Variants in RBFOX1 observed in about 807,000 individuals in gnomAD.
RBFOX1 encodes the protein RNA binding fox-1 homolog 1, also known as RNA binding protein fox-1 homolog 1.
Under a neutral mutation model 57.7 loss-of-function variants are expected in RBFOX1, and 8 were observed. The ratio of observed to expected loss-of-function variants is 0.14; its 90% CI spans 0.08 to 0.25. The LOEUF (loss-of-function observed/expected upper bound fraction) is 0.25. Ranked by LOEUF, RBFOX1 falls within the 10% of genes least tolerant of loss-of-function variation. RBFOX1 has a pLI of 1.00. For synonymous variants in RBFOX1, 326 were observed against 222.4 expected (o/e 1.47, Z -4.15); for missense variants, 611 against 548.5 (o/e 1.11, Z -1.14).
At chr16:5,270,641 C>A in intron 1 of RBFOX1, 1 of 556,386 alleles carries the variant, frequency 1.8e-6, no homozygotes, top group South Asian at 1.6e-5. Context: ...CTCTTATGCT[C>A]AGCACCAACA....
At chr16:6,707,708 A>G (rs1227782029) in intron 3 of RBFOX1, among the ~76,000 whole-genome samples, 1 of 152,138 alleles carries the variant, frequency 6.6e-6, no homozygotes, top group African/African-American at 2.4e-5. Flanking sequence ...CCTTCCTCCC[A>G]GTTTCTGCTC....
At chr16:6,312,021 C>G (rs971779085) in intron 1 of RBFOX1, among the ~76,000 whole-genome samples, 2 of 152,188 alleles carry the variant, frequency 1.3e-5, no homozygotes, top group Non-Finnish European at 2.9e-5. Flanking sequence ...AGCATGTATG[C>G]AATCATAATC....
intron 1 of RBFOX1, among the ~76,000 whole-genome samples, chr16:5,309,037 C>A (rs980406514): frequency 6.6e-6 from 1 of 152,136 alleles, no homozygotes; most frequent in African/African-American, 2.4e-5. Context: ...TTGGCTAGAG[C>A]TTCCTCTACT....
chr16:5,964,843 C>T (rs184993419), intron 4 of RBFOX1, among the ~76,000 whole-genome samples: 86 of 151,986 alleles, frequency 5.7e-4, no homozygotes, highest in Admixed American at 1.8e-3. Flanking sequence ...TACACACACA[C>T]AATGACCTTA....
intron 3 of RBFOX1, among the ~76,000 whole-genome samples, chr16:6,960,320 C>T (rs902082014): frequency 1.1e-4 from 16 of 152,178 alleles, no homozygotes; most frequent in African/African-American, 1.7e-4. Flanking sequence ...CGTCTTTAGA[C>T]GAATGCACAC....
chr16:6,952,232 C>T (rs1034428831), intron 3 of RBFOX1, among the ~76,000 whole-genome samples: 4 of 152,142 alleles, frequency 2.6e-5, no homozygotes, highest in African/African-American at 9.7e-5. Context: ...AAGAGTAGGA[C>T]CTTTCCCTGC....
intron 2 of RBFOX1, among the ~76,000 whole-genome samples, chr16:5,579,664 A>G (rs1212222210): frequency 6.6e-6 from 1 of 152,140 alleles, no homozygotes; most frequent in Non-Finnish European, 1.5e-5. Flanking sequence ...ACCTTCCCCA[A>G]CTGGGTACAC....
chr16:6,866,379 TAAAG>T lies in RBFOX1; in HGVS notation c.-15-185675_-15-185672del, dbSNP rs754858121. 9.2e-5 allele frequency among the ~76,000 whole-genome samples: 14 copies of T among 151,898 alleles called. No homozygotes were observed. In the East Asian group the frequency reaches 2.5e-3, roughly 27 times the overall value. The stretch of plus-strand genomic sequence containing the variant: ...AATGGAACTCTGTTGATGGGTCTAA[TAAAG>T]AAGAAAAAAAATCAAACCTTATCCA... On this transcript the variant is annotated intron_variant, in intron 3 of 15. Coordinates refer to ENST00000550418, the MANE Select transcript of RBFOX1 (RefSeq NM_018723.4).
At chr16:6,786,777 A>T (rs117725845) in intron 3 of RBFOX1, among the ~76,000 whole-genome samples, 5 of 152,176 alleles carry the variant, frequency 3.3e-5, no homozygotes, top group African/African-American at 9.7e-5. Flanking sequence ...ACTCCACCCA[A>T]TGGAAGTGGA....
chr16:7,066,870 T>C (rs2153761230), intron 4 of RBFOX1, among the ~76,000 whole-genome samples: 1 of 152,318 alleles, frequency 6.6e-6, no homozygotes, highest in South Asian at 2.1e-4. Flanking sequence ...CTTCTATTTC[T>C]AGCCATTTAC....
chr16:6,683,462 G>GA (rs1371535079), intron 3 of RBFOX1, among the ~76,000 whole-genome samples: 1 of 151,806 alleles, frequency 6.6e-6, no homozygotes, highest in East Asian at 1.9e-4. Flanking sequence ...TGGTTTAGGA[G>GA]AAAAAAATAC....
rs2079923831 is a variant in RBFOX1, at chr16:7,699,450, C to G, written c.996-9606C>G. Among the ~76,000 whole-genome samples, 5 of 152,292 alleles carry G rather than the reference C, an allele frequency of 3.3e-5. No individual in the cohort carries two copies. The South Asian group carries it at 1.0e-3, about 32-fold the overall frequency. On this transcript the variant is annotated intron_variant, in intron 14 of 15. Transcript: ENST00000550418. ...CAAGCCATCCTGCCCCTTTGGCCTA[C>G]CAAAGTCCTGCGAGTACAGGCACGG... is the stretch of plus-strand genomic sequence containing the variant.
chr16:5,589,893 A>G (rs1282569029), intron 2 of RBFOX1, among the ~76,000 whole-genome samples: 1 of 151,966 alleles, frequency 6.6e-6, no homozygotes, highest in Admixed American at 6.6e-5. Flanking sequence ...GGATCCTGTT[A>G]ATCTTGTCCA....
intron 4 of RBFOX1, among the ~76,000 whole-genome samples, chr16:7,213,302 A>G (rs900960405): frequency 6.6e-6 from 1 of 152,190 alleles, no homozygotes; most frequent in Admixed American, 6.5e-5. Flanking sequence ...TTGCCTTAAA[A>G]AATCACGTTG....
chr16:6,751,775 T>C (rs1365918070), intron 3 of RBFOX1, among the ~76,000 whole-genome samples: 2 of 152,156 alleles, frequency 1.3e-5, no homozygotes, highest in East Asian at 1.9e-4. Context: ...TGTGGTCTTA[T>C]GAAGAATGTG....
intron 2 of RBFOX1, among the ~76,000 whole-genome samples, chr16:6,560,718 C>T (rs923934034): frequency 1.3e-5 from 2 of 152,140 alleles, no homozygotes; most frequent in African/African-American, 2.4e-5. Context: ...TATGAGGGCG[C>T]TTAATGCAGT....
chr16:6,508,384 A>G (rs906306487), intron 2 of RBFOX1, among the ~76,000 whole-genome samples: 1 of 152,208 alleles, frequency 6.6e-6, no homozygotes, highest in Middle Eastern at 3.2e-3. Context: ...AATATAATGT[A>G]AGTAGACTTA....
In RBFOX1 at chr16:6,701,135, A is replaced by ATGTGTG. The variant is rs111800744; in HGVS notation, c.-16+46503_-16+46508dup. 8.3e-3 allele frequency among the ~76,000 whole-genome samples: 1,233 copies of ATGTGTG among 149,212 alleles called. 20 individuals are homozygous for ATGTGTG. Among genetic ancestry groups the ATGTGTG allele is most frequent in the African/African-American group, 0.024 (963 of 40,608 alleles). ...AGTTTATCAGTGTCTCTGTGTGTGT[A>ATGTGTG]TGTGTGTGTGTGTGTGTGTGTGTTT... On this transcript the variant is annotated intron_variant, in intron 3 of 15. Transcript: ENST00000550418.
At chr16:6,669,621 G>C (rs1603293779) in intron 3 of RBFOX1, among the ~76,000 whole-genome samples, 1 of 152,096 alleles carries the variant, frequency 6.6e-6, no homozygotes, top group African/African-American at 2.4e-5. Context: ...CTCATATATT[G>C]CTATTTTTTC....
Sources: allele counts gnomAD v4.1 joint callset (sites outside exome capture counted in the v4.1 genomes callset), GRCh38; gene constraint gnomAD v4.1.1; transcripts MANE v1.5; gene names NCBI Gene and HGNC (gene_info 2026-07-23, HGNC 2026-07-21).